The following TNRC6A variants were observed in gnomAD, a reference collection of about 807,000 sequenced individuals.
TNRC6A encodes the protein trinucleotide repeat-containing gene 6A protein.
Under a neutral mutation model 221.2 loss-of-function variants are expected in TNRC6A, and 44 were observed. That is an observed-to-expected ratio of 0.20 (90% CI 0.16 to 0.26). The LOEUF (loss-of-function observed/expected upper bound fraction) is 0.26, where lower values mean the gene tolerates loss of function less well. Ranked by LOEUF, TNRC6A falls within the 10% of genes least tolerant of loss-of-function variation. TNRC6A has a pLI of 1.00. For missense variants in TNRC6A, 2,199 were observed against 2,404.4 expected, an observed-to-expected ratio of 0.91 and a Z score of 1.79; for synonymous variants, 847 against 838.5, an observed-to-expected ratio of 1.01 and a Z score of -0.18.
intron 2 of TNRC6A, among the ~76,000 whole-genome samples, chr16:24,652,026 A>G (rs185687818): frequency 2.0e-4 from 30 of 152,056 alleles, no homozygotes; most frequent in African/African-American, 7.2e-4. Context: ...CTGTGCCTCT[A>G]TGAAAGGAGA....
At chr16:24,810,520 G>A in intron 18 of TNRC6A, among the ~76,000 whole-genome samples, 1 of 152,160 alleles carries the variant, frequency 6.6e-6, no homozygotes, top group Non-Finnish European at 1.5e-5. Context: ...ATTGAGTCAG[G>A]AATAACTGCA....
At chr16:24,746,458 C>T (rs555548159) in intron 2 of TNRC6A, among the ~76,000 whole-genome samples, 1 of 152,248 alleles carries the variant, frequency 6.6e-6, no homozygotes, top group Non-Finnish European at 1.5e-5. Context: ...CTATTGGGAG[C>T]TGGTTCTGTA....
intron 4 of TNRC6A, among the ~76,000 whole-genome samples, chr16:24,763,579 A>G (rs1424287470): frequency 6.6e-6 from 1 of 152,242 alleles, no homozygotes; most frequent in Non-Finnish European, 1.5e-5. Flanking sequence ...AAGGAAATGA[A>G]AAATACTTAC....
At chr16:24,654,757 A>C (rs1165811162) in intron 2 of TNRC6A, among the ~76,000 whole-genome samples, 2 of 152,086 alleles carry the variant, frequency 1.3e-5, no homozygotes, top group Non-Finnish European at 2.9e-5. Context: ...AAAAAAACAC[A>C]CAACAACAGA....
intron 2 of TNRC6A, among the ~76,000 whole-genome samples, chr16:24,651,884 A>C (rs1839510646): frequency 6.6e-6 from 1 of 151,248 alleles, no homozygotes; most frequent in Admixed American, 6.6e-5. Flanking sequence ...GGATCGCTTG[A>C]GGTCAGGAGT....
intron 2 of TNRC6A, among the ~76,000 whole-genome samples, chr16:24,664,447 AT>A (rs966170056): frequency 1.4e-5 from 2 of 145,198 alleles, no homozygotes; most frequent in African/African-American, 5.0e-5. Context: ...TATAATAAAA[AT>A]AATATATTTT....
At chr16:24,758,821 T>G (rs1029282191) in intron 4 of TNRC6A, among the ~76,000 whole-genome samples, 9 of 152,024 alleles carry the variant, frequency 5.9e-5, no homozygotes, top group African/African-American at 2.2e-4. Context: ...TCACTTAGAA[T>G]AGTAGATTGC....
chr16:24,655,514 C>T lies in TNRC6A; in HGVS notation n.402+14505C>T, dbSNP rs546794145. ...GACCATCCTGGCCAACATGGTGAAA[C>T]CCCGTCTCTACTAAAAATACAAAAG... On this transcript the variant is annotated intron_variant and non_coding_transcript_variant, in intron 2 of 2. Transcript: ENST00000566108. Among the ~76,000 whole-genome samples, 303 of 152,050 alleles carry T rather than the reference C, an allele frequency of 2.0e-3. 1 individual carries two copies. Among genetic ancestry groups the T allele is most frequent in the Middle Eastern group, 3.4e-3 (1 of 294 alleles).
chr16:24,821,669 G>A (rs550703577), intron 22 of TNRC6A: 22 of 163,638 alleles, frequency 1.3e-4, no homozygotes, highest in East Asian at 1.0e-3. Flanking sequence ...GCATCTGTGC[G>A]ATCGCAAGCT....
chr16:24,762,983 AT>A (rs998384291), intron 4 of TNRC6A, among the ~76,000 whole-genome samples: 262 of 150,252 alleles, frequency 1.7e-3, no homozygotes, highest in African/African-American at 5.6e-3. Context: ...AAGCGTGTAG[AT>A]TTTTTTTTTT....
chr16:24,770,812 C>T (rs938210618), intron 4 of TNRC6A, among the ~76,000 whole-genome samples: 10 of 152,176 alleles, frequency 6.6e-5, no homozygotes, highest in African/African-American at 2.4e-4. Context: ...TCAGTTGCAT[C>T]CCGTGTGTGC....
intron 2 of TNRC6A, among the ~76,000 whole-genome samples, chr16:24,720,886 GA>G (rs112753721): frequency 0.12 from 16,234 of 135,558 alleles, 1,818 homozygotes; most frequent in East Asian, 0.37. Context: ...CAAACAAACA[GA>G]AAAAAAAAAA....
At chr16:24,752,628 G>A (rs1428434002) in intron 3 of TNRC6A, among the ~76,000 whole-genome samples, 2 of 152,200 alleles carry the variant, frequency 1.3e-5, no homozygotes, top group African/African-American at 2.4e-5. Flanking sequence ...TGAGAAAGTT[G>A]TGTCCTCTGT....
intron 2 of TNRC6A, among the ~76,000 whole-genome samples, chr16:24,706,732 A>G (rs2056101196): frequency 2.0e-5 from 3 of 151,796 alleles, no homozygotes; most frequent in Admixed American, 6.6e-5. Context: ...TTGTGCATGA[A>G]AAGAAAAGCA....
chr16:24,811,012 A>AAT (rs1185300331), intron 18 of TNRC6A, among the ~76,000 whole-genome samples: 2 of 152,170 alleles, frequency 1.3e-5, no homozygotes, highest in Non-Finnish European at 2.9e-5. Context: ...AGGTCAGACA[A>AAT]ATACAGGACG....
intron 2 of TNRC6A, among the ~76,000 whole-genome samples, chr16:24,715,742 C>T (rs895271339): frequency 2.0e-5 from 3 of 151,780 alleles, no homozygotes; most frequent in Admixed American, 6.6e-5. Flanking sequence ...TTCTGCCTCC[C>T]AAGTAGCTGG....
intron 19 of TNRC6A, chr16:24,815,732 G>A: frequency 5.3e-6 from 1 of 188,024 alleles, no homozygotes; most frequent in Non-Finnish European, 1.1e-5. Flanking sequence ...GCGGGCGCCT[G>A]TAGTCCCAGC....
intron 2 of TNRC6A, among the ~76,000 whole-genome samples, chr16:24,744,493 C>G (rs575045270): frequency 6.6e-6 from 1 of 152,270 alleles, no homozygotes; most frequent in African/African-American, 2.4e-5. Context: ...TCTCCATTCA[C>G]TCACTCAATC....
At chr16:24,805,876 G>C (rs1485454223) in intron 15 of TNRC6A, 143 bp downstream of exon 15, 1 of 1,130,028 alleles carries the variant, frequency 8.8e-7, no homozygotes, top group Non-Finnish European at 1.3e-6. Flanking sequence ...TATCGGGGGA[G>C]ACAGATCGTG....
Sources: allele counts gnomAD v4.1 joint callset (sites outside exome capture counted in the v4.1 genomes callset), GRCh38; gene constraint gnomAD v4.1.1; transcripts MANE v1.5; gene names NCBI Gene and HGNC (gene_info 2026-07-23, HGNC 2026-07-21).